The following OR5B3 variants were observed in gnomAD, a reference collection of about 807,000 sequenced individuals.
OR5B3 encodes olfactory receptor family 5 subfamily B member 3, also known as olfactory receptor 5B3.
For missense variants in OR5B3, 430 were observed against 375.4 expected, an observed-to-expected ratio of 1.15 and a Z score of -1.20; for synonymous variants, 150 against 135.0, an observed-to-expected ratio of 1.11 and a Z score of -0.77.
chr11:58,402,841 C>T lies in OR5B3; in HGVS notation c.569G>A (p.Arg190Lys). ...PAVMVLSCSD[R>K]HISELVLIYV... ...AATAAGAACAAGCTCGCTAATATGT[C>T]TATCAGAGCAAGAGAGAACCATGAC... The change falls in exon 2 of 2, where the codon AGA becomes AAA. Residue 190 changes from arginine to lysine, a missense_variant. Transcript: ENST00000641865. The T allele has an allele frequency of 6.2e-7, 1 of 1,613,908 alleles. No individual in the cohort carries two copies. Among genetic ancestry groups the T allele is most frequent in the Non-Finnish European group, 8.5e-7 (1 of 1,179,894 alleles).
chr11:58,404,613 G>A (rs1855077559), intron 1 of OR5B3, among the ~76,000 whole-genome samples: 2 of 151,724 alleles, frequency 1.3e-5, no homozygotes. Context: ...GCAAATGATT[G>A]TCTGCTCCGG....
In OR5B3 at chr11:58,406,838, AGTT is replaced by A. The variant is rs1855107571; in HGVS notation, c.-67_-65del. On this transcript the variant is annotated 5_prime_UTR_variant, in exon 1 of 2. Transcript: ENST00000641865. ...TGAGCAGAAACAGTCAATACAGAAT[AGTT>A]GTTCTGCAATCAGAAAATCAGCCAT... is the stretch of plus-strand genomic sequence containing the variant. 6.6e-6 allele frequency: 1 copy of A among 152,200 alleles called. No homozygotes were observed. The highest frequency in any genetic ancestry group is 1.5e-5 in the Non-Finnish European group (1 of 68,032). 9.4% of individuals were successfully genotyped at this position (152,200 alleles called of 1,614,324 possible).
intron 1 of OR5B3, among the ~76,000 whole-genome samples, chr11:58,403,822 T>G (rs1855068305): frequency 6.6e-6 from 1 of 152,224 alleles, no homozygotes; most frequent in African/African-American, 2.4e-5. Flanking sequence ...ATTCATTATT[T>G]CCTTTCTACA....
intron 1 of OR5B3, 123 bp from the exon 2 acceptor site, chr11:58,403,558 C>A: frequency 1.9e-6 from 1 of 524,076 alleles, no homozygotes; most frequent in Non-Finnish European, 3.3e-6. Flanking sequence ...CTAGAAAAAG[C>A]GCGGCCTTGA....
chr11:58,403,140 G>T lies in OR5B3; in HGVS notation c.270C>A (p.Ile90=). Residue 90 remains isoleucine (I), a synonymous_variant, in exon 2 of 2, where the codon ATC becomes ATA. Transcript: ENST00000641865. ...TTTGAGCAGCACATGCATTGTAAGAGATGACCTTGTCTTCTATAAGGAATC... is the reference window on the plus strand; with the variant it reads ...TTTGAGCAGCACATGCATTGTAAGATATGACCTTGTCTTCTATAAGGAATC... ...MAGFLIEDKV[I]SYNACAAQMY... 6.2e-7 allele frequency: 1 copy of T among 1,614,104 alleles called. No individual in the cohort carries two copies. Among genetic ancestry groups the T allele is most frequent in the South Asian group, 1.1e-5 (1 of 91,084 alleles).
In OR5B3 at chr11:58,403,223, T is replaced by C. The variant is rs1855057651; in HGVS notation, c.187A>G (p.Asn63Asp). 4.3e-6 allele frequency: 7 copies of C among 1,613,858 alleles called. No homozygotes were observed. The highest frequency in any genetic ancestry group is 5.9e-6 in the Non-Finnish European group (7 of 1,179,890). Residue 63 changes from asparagine to aspartate, a missense_variant, in exon 2 of 2, where the codon AAC becomes GAC. Transcript: ENST00000641865. ...TAGCAAAAGTCCACTAGAGACAAGT[T>C]ACTGAGAAAAAAGTACATGGGATTG... is the stretch of plus-strand genomic sequence containing the variant. ...LHNPMYFFLS[N>D]LSLVDFCYSS...
intron 1 of OR5B3, among the ~76,000 whole-genome samples, chr11:58,405,249 T>G (rs1025843357): frequency 2.0e-5 from 3 of 152,210 alleles, no homozygotes; most frequent in African/African-American, 4.8e-5. Context: ...GGCTATGTAG[T>G]ATTCCATAAA....
intron 1 of OR5B3, 24 bp from the exon 2 acceptor site, chr11:58,403,459 A>C: frequency 2.1e-6 from 2 of 939,342 alleles, no homozygotes; most frequent in Non-Finnish European, 3.2e-6. Context: ...AAAAAAGAAC[A>C]GTGTGATAAA....
intron 1 of OR5B3, among the ~76,000 whole-genome samples, chr11:58,405,083 G>C (rs976744907): frequency 2.0e-5 from 3 of 151,974 alleles, no homozygotes; most frequent in Admixed American, 6.6e-5. Context: ...AGTGTCTATT[G>C]TTCCCATATT....
rs767584101 is a variant in OR5B3 at position 58,402,935 on chromosome 11, C to T, written c.475G>A (p.Gly159Arg). 6.2e-7 allele frequency: 1 copy of T among 1,613,942 alleles called. No individual in the cohort carries two copies. The highest frequency in any genetic ancestry group is 8.5e-7 in the Non-Finnish European group (1 of 1,179,890). Residue 159 changes from glycine to arginine, a missense_variant, in exon 2 of 2, where the codon GGG becomes AGG. Gly to Arg is a moderately radical substitution (Grantham distance 125). Coordinates refer to ENST00000641865, the MANE Select transcript of OR5B3 (RefSeq NM_001005469.2). ...CAGAAAGAGAGACTAAATGTGTCCC[C>T]AGTGTGGATGGAGGCATTCAGGAAA... ...CGFLNASIHT[G>R]DTFSLSFCKS...
Position 58,403,380 on chromosome 11 carries a change from G to A in OR5B3, c.30C>T (p.Phe10=), listed in dbSNP as rs767629637. 3 of 1,593,594 alleles carry A rather than the reference G, an allele frequency of 1.9e-6. No individual in the cohort carries two copies. The highest frequency in any genetic ancestry group is 2.6e-6 in the Non-Finnish European group (3 of 1,169,334). Residue 10 remains phenylalanine (F), a synonymous_variant, in exon 2 of 2, where the codon TTC becomes TTT. Coordinates refer to ENST00000641865, the MANE Select transcript of OR5B3 (RefSeq NM_001005469.2). The part of the protein sequence containing the change: MENKTEVTQ[F]ILLGLTNDSE... ...AGTCATTGGTTAGTCCTAGAAGAAT[G>A]AATTGTGTTACTTCTGTCTTATTTT... is the stretch of plus-strand genomic sequence containing the variant.
At chr11:58,404,168 G>C (rs1358471962) in intron 1 of OR5B3, among the ~76,000 whole-genome samples, 2 of 151,950 alleles carry the variant, frequency 1.3e-5, no homozygotes, top group Non-Finnish European at 2.9e-5. Flanking sequence ...ACAATTCTGA[G>C]AGAAGCCTAT....
In OR5B3 at chr11:58,402,951, A is replaced by G; in HGVS notation, c.459T>C (p.Asn153=). The change falls in exon 2 of 2, where the codon AAT becomes AAC. Residue 153 remains asparagine, a synonymous_variant. Coordinates refer to ENST00000641865, the MANE Select transcript of OR5B3 (RefSeq NM_001005469.2). ...ATGTGTCCCCAGTGTGGATGGAGGC[A>G]TTCAGGAAACCACAGAGGTAGGAGC... ...AIGSYLCGFL[N]ASIHTGDTFS... is the part of the protein sequence containing the mutation. 1 of 1,613,948 alleles carries G rather than the reference A, an allele frequency of 6.2e-7. No individual in the cohort carries two copies. The highest frequency in any genetic ancestry group is 8.5e-7 in the Non-Finnish European group (1 of 1,179,924).
At position 58,404,868 on chromosome 11, in the gene OR5B3, C is replaced by A. The variant is rs1357509266; in HGVS notation, c.-26-1433G>T. On this transcript the variant is annotated intron_variant, in intron 1 of 1. Transcript: ENST00000641865. ...ATTTGAATCTATTCTTGTTTTGGAA[C>A]AATATTTTAGTATTTATTTATTTTA... Among the ~76,000 whole-genome samples, 12 of 152,006 alleles carry A rather than the reference C, an allele frequency of 7.9e-5. No individual in the cohort carries two copies. In the East Asian group the frequency reaches 2.3e-3, roughly 29 times the overall value.
chr11:58,403,076 G>T lies in OR5B3; in HGVS notation c.334C>A (p.Leu112Ile). The T allele has an allele frequency of 6.2e-7, 1 of 1,614,066 alleles. No individual in the cohort carries two copies. The highest frequency in any genetic ancestry group is 8.5e-7 in the Non-Finnish European group (1 of 1,179,936). Reference sequence around the variant, plus strand: ...CGGTCATAGGCCATTGAGGCCAAGAGGTAATTTTCCACAGTGGCAAAAGCT... The same window carrying T: ...CGGTCATAGGCCATTGAGGCCAAGATGTAATTTTCCACAGTGGCAAAAGCT... The part of the protein sequence containing the change: ...FVAFATVENY[L>I]LASMAYDRYA... The change falls in exon 2 of 2, where the codon CTC becomes ATC. Residue 112 changes from leucine (L) to isoleucine (I), a missense_variant. By Grantham distance (5) the Leu-to-Ile change is conservative (BLOSUM62 2). Transcript: ENST00000641865.
At chr11:58,406,187 G>A (rs1206501157) in intron 1 of OR5B3, among the ~76,000 whole-genome samples, 15 of 137,008 alleles carry the variant, frequency 1.1e-4, no homozygotes, top group Non-Finnish European at 1.7e-5. Flanking sequence ...ATGTGTGTGT[G>A]TGAGAGAGAA....
chr11:58,404,962 T>G (rs10896771), intron 1 of OR5B3, among the ~76,000 whole-genome samples: 49,970 of 152,028 alleles, frequency 0.33, 8,284 homozygotes, highest in Non-Finnish European at 0.36. Flanking sequence ...CGTGGGAATA[T>G]GCATGATGCT....
intron 1 of OR5B3, among the ~76,000 whole-genome samples, chr11:58,405,822 T>C (rs745872424): frequency 7.9e-5 from 12 of 151,668 alleles, no homozygotes; most frequent in Admixed American, 3.9e-4. Flanking sequence ...TTCACAACAA[T>C]GAAAGCATAG....
At chr11:58,405,773 T>C (rs538906663) in intron 1 of OR5B3, among the ~76,000 whole-genome samples, 1 of 152,004 alleles carries the variant, frequency 6.6e-6, no homozygotes, top group Admixed American at 6.6e-5. Context: ...ACTTTTTTTT[T>C]AAAAAGACAC....
Sources: allele counts gnomAD v4.1 joint callset (sites outside exome capture counted in the v4.1 genomes callset), GRCh38; gene constraint gnomAD v4.1.1; transcripts MANE v1.5; gene names NCBI Gene and HGNC (gene_info 2026-07-23, HGNC 2026-07-21).